SLA2: variants seen among roughly 807,000 people sequenced by gnomAD.
The protein encoded by SLA2 is Src like adaptor 2.
SLA2 carries 22 observed loss-of-function variants against 27.3 expected under a neutral mutation model. The ratio of observed to expected loss-of-function variants is 0.81; its 90% CI spans 0.58 to 1.15. The LOEUF (loss-of-function observed/expected upper bound fraction) is 1.15. Among genes scored for constraint, SLA2 ranks in the 50% most tolerant of loss-of-function variants. SLA2 has a pLI of 0.00. For missense variants in SLA2, 304 were observed against 322.2 expected (o/e 0.94, Z 0.43); for synonymous variants, 131 against 137.8 (o/e 0.95, Z 0.34).
intron 1 of SLA2, among the ~76,000 whole-genome samples, chr20:36,644,833 G>A (rs1390083270): frequency 6.6e-6 from 1 of 150,758 alleles, no homozygotes; most frequent in African/African-American, 2.4e-5. Flanking sequence ...GTTAGTCAAC[G>A]GCAGCCGAGA....
chr20:36,629,936 C>CA (rs1235657565), intron 5 of SLA2, among the ~76,000 whole-genome samples: 2,228 of 122,644 alleles, frequency 0.018, 37 homozygotes, highest in African/African-American at 0.053. Flanking sequence ...GACTCTGTCT[C>CA]AAAAAAAAAA....
chr20:36,624,807 C>G (rs1167285630), intron 5 of SLA2, among the ~76,000 whole-genome samples: 1 of 152,222 alleles, frequency 6.6e-6, no homozygotes, highest in Non-Finnish European at 1.5e-5. Context: ...CCAGAGCCAG[C>G]CCTTAGCTGA....
chr20:36,634,618 A>G, intron 2 of SLA2, 29 bp from the exon 3 acceptor site: 2 of 1,477,972 alleles, frequency 1.4e-6, no homozygotes, highest in East Asian at 2.3e-5. Context: ...ATAGTCACCT[A>G]CTTAGCTAGC....
Position 36,620,130 on chromosome 20 carries a change from C to T in SLA2, c.383-4756G>A, listed in dbSNP as rs571511412. 1.1e-4 allele frequency among the ~76,000 whole-genome samples: 16 copies of T among 149,320 alleles called. 1 individual carries two copies. The highest frequency in any genetic ancestry group is 3.9e-4 in the African/African-American group (16 of 40,604). ...ACAATGCTGGGCGCGATGGCTCACA[C>T]CTGTAATCCCAGCACTTTGGGAGGC... On this transcript the variant is annotated intron_variant, in intron 5 of 7. Transcript: ENST00000262866.
intron 1 of SLA2, among the ~76,000 whole-genome samples, chr20:36,642,875 G>A (rs868368244): frequency 6.6e-6 from 1 of 151,780 alleles, no homozygotes; most frequent in Admixed American, 6.6e-5. Context: ...ATGAGCCACC[G>A]CACCCGGTCC....
intron 5 of SLA2, among the ~76,000 whole-genome samples, chr20:36,627,532 A>G (rs2039351450): frequency 6.6e-6 from 1 of 152,328 alleles, no homozygotes; most frequent in South Asian, 2.1e-4. Flanking sequence ...CCCAACTGAC[A>G]GTGGACAGAG....
chr20:36,634,355 C>G (rs1172096906), intron 3 of SLA2, 135 bp downstream of exon 3: 8 of 615,452 alleles, frequency 1.3e-5, no homozygotes, highest in Non-Finnish European at 2.0e-5. Context: ...TTGATCATAG[C>G]TCATTGCAGC....
intron 2 of SLA2, among the ~76,000 whole-genome samples, chr20:36,640,564 A>C (rs939064968): frequency 6.9e-6 from 1 of 145,894 alleles, no homozygotes; most frequent in East Asian, 2.0e-4. Context: ...GCTGGAGTGC[A>C]GTGGCATAGT....
At chr20:36,636,427 C>CAAAAAAAAAAA (rs71186007) in intron 2 of SLA2, among the ~76,000 whole-genome samples, 56 of 61,420 alleles carry the variant, frequency 9.1e-4, no homozygotes, top group African/African-American at 3.8e-3. Flanking sequence ...GACTCCGTCT[C>CAAAAAAAAAAA]AAAAAAAAAA....
At position 36,626,575 on chromosome 20, in the gene SLA2, C is replaced by T. The variant is rs139602430; in HGVS notation, c.382+6020G>A. ...TCTTAAAAAAAAAAAAGTCTGGGCG[C>T]GGTGGCTCATGCCTGTAATCCCAGC... On this transcript the variant is annotated intron_variant, in intron 5 of 7. Transcript: ENST00000262866. Among the ~76,000 whole-genome samples the T allele has an allele frequency of 4.0e-3, 597 of 149,714 alleles. 5 individuals carry two copies. The highest frequency in any genetic ancestry group is 0.014 in the African/African-American group (564 of 40,536).
At chr20:36,642,894 T>A (rs1485289017) in intron 1 of SLA2, among the ~76,000 whole-genome samples, 1 of 151,646 alleles carries the variant, frequency 6.6e-6, no homozygotes, top group Non-Finnish European at 1.5e-5. Flanking sequence ...CCTTTTTTCT[T>A]AAGTTACGGG....
intron 3 of SLA2, 71 bp downstream of exon 3, chr20:36,634,419 C>T (rs551197828): frequency 5.0e-5 from 59 of 1,171,414 alleles, no homozygotes; most frequent in South Asian, 2.8e-4. Flanking sequence ...AGACAGCTAG[C>T]GCTACAGGCA....
intron 7 of SLA2, 93 bp downstream of exon 7, chr20:36,614,210 AGT>A: frequency 6.3e-7 from 1 of 1,589,252 alleles, no homozygotes; most frequent in Non-Finnish European, 8.6e-7. Context: ...GGTGTCCCTG[AGT>A]GTGACAGGTA....
intron 5 of SLA2, among the ~76,000 whole-genome samples, chr20:36,630,724 C>T (rs193122561): frequency 6.6e-6 from 1 of 152,322 alleles, no homozygotes; most frequent in East Asian, 1.9e-4. Flanking sequence ...GCTGCTCCTT[C>T]AACATCCCTC....
intron 5 of SLA2, 149 bp from the exon 6 acceptor site, chr20:36,615,523 T>C (rs1370567578): frequency 3.7e-6 from 3 of 801,788 alleles, no homozygotes; most frequent in Admixed American, 5.4e-5. Context: ...CTTGCTCTCT[T>C]GGTCATCAAT....
At chr20:36,625,423 C>T (rs964435021) in intron 5 of SLA2, among the ~76,000 whole-genome samples, 3 of 152,116 alleles carry the variant, frequency 2.0e-5, no homozygotes, top group East Asian at 1.9e-4. Flanking sequence ...TGGGGTTTCA[C>T]CATGTTAGCC....
chr20:36,614,037 T>G, intron 7 of SLA2, 51 bp from the exon 8 acceptor site: 1 of 1,605,634 alleles, frequency 6.2e-7, no homozygotes, highest in African/African-American at 1.3e-5. Context: ...CTCCTCCCTG[T>G]ACTCACTACA....
rs377695407 is a variant in SLA2, at chr20:36,636,277, C to T, written c.92-1688G>A. On this transcript the variant is annotated intron_variant, in intron 2 of 7. Transcript: ENST00000262866. ...CTAAAAATACAAAAAAAAAATTAGC[C>T]GGGCGCGGTGGCGGGCGCCTGTAGT... 2.3e-4 allele frequency among the ~76,000 whole-genome samples: 34 copies of T among 145,596 alleles called. 1 individual carries two copies. The highest frequency in any genetic ancestry group is 1.8e-3 in the East Asian group (9 of 5,112).
At chr20:36,627,960 G>A (rs960079087) in intron 5 of SLA2, among the ~76,000 whole-genome samples, 7 of 152,168 alleles carry the variant, frequency 4.6e-5, no homozygotes, top group Admixed American at 2.0e-4. Flanking sequence ...CACTCACTTG[G>A]TCAATGGCTA....
Sources: gnomAD v4.1 joint callset for allele counts (sites outside exome capture counted in the v4.1 genomes callset) on GRCh38, gnomAD v4.1.1 for gene constraint, MANE v1.5 for transcripts, NCBI Gene and HGNC (gene_info 2026-07-23, HGNC 2026-07-21) for gene names.